The following ZNF804A variants were observed in gnomAD, a reference collection of about 807,000 sequenced individuals.
ZNF804A encodes zinc finger protein 804A.
In ZNF804A, 2 loss-of-function variants were observed where a neutral mutation model predicts 16.5. The ratio of observed to expected loss-of-function variants is 0.12; its 90% confidence interval spans 0.05 to 0.38. ZNF804A has a LOEUF of 0.38. ZNF804A is among the 10% of genes least tolerant of loss of function. The pLI is 0.99. For missense variants in ZNF804A, 1,473 were observed against 1,390.7 expected (o/e 1.06, Z -0.94); for synonymous variants, 534 against 489.6 (o/e 1.09, Z -1.20).
intron 1 of ZNF804A, among the ~76,000 whole-genome samples, chr2:184,684,233 C>A (rs906158975): frequency 6.6e-6 from 1 of 152,232 alleles, no homozygotes; most frequent in East Asian, 1.9e-4. Context: ...TACATAAACA[C>A]GGACATTTAA....
chr2:184,828,996 AT>A (rs139842063), intron 1 of ZNF804A, among the ~76,000 whole-genome samples: 5,447 of 151,836 alleles, frequency 0.036, 319 homozygotes, highest in African/African-American at 0.12. Context: ...CAAAATCAAA[AT>A]TTTTTGTTAG....
intron 1 of ZNF804A, among the ~76,000 whole-genome samples, chr2:184,647,066 A>G (rs1428997111): frequency 2.6e-5 from 4 of 152,230 alleles, no homozygotes; most frequent in Non-Finnish European, 4.4e-5. Flanking sequence ...CAACTGGCTC[A>G]TAGATCAAAC....
At chr2:184,664,393 A>AATG (rs1250949012) in intron 1 of ZNF804A, among the ~76,000 whole-genome samples, 1 of 152,202 alleles carries the variant, frequency 6.6e-6, no homozygotes, top group Non-Finnish European at 1.5e-5. Flanking sequence ...ACACAAGTAA[A>AATG]ATGGACATAA....
intron 1 of ZNF804A, among the ~76,000 whole-genome samples, chr2:184,803,270 A>G (rs555273693): frequency 1.3e-5 from 2 of 152,130 alleles, no homozygotes; most frequent in Admixed American, 1.3e-4. Flanking sequence ...CTTTCAAGTC[A>G]TATTCTAGTC....
At chr2:184,605,245 C>T (rs1049477374) in intron 1 of ZNF804A, among the ~76,000 whole-genome samples, 2 of 152,008 alleles carry the variant, frequency 1.3e-5, no homozygotes, top group African/African-American at 2.4e-5. Flanking sequence ...CAGTTATAAT[C>T]TATGGTGTAC....
chr2:184,661,534 C>T (rs1477975218), intron 1 of ZNF804A, among the ~76,000 whole-genome samples: 3 of 152,224 alleles, frequency 2.0e-5, no homozygotes, highest in Non-Finnish European at 4.4e-5. Context: ...ATCCACGAAG[C>T]TGAGTCCAGA....
At chr2:184,618,845 T>C (rs1691373067) in intron 1 of ZNF804A, among the ~76,000 whole-genome samples, 1 of 152,140 alleles carries the variant, frequency 6.6e-6, no homozygotes, top group Non-Finnish European at 1.5e-5. Context: ...CATTTTCTAA[T>C]CACTGGGCTT....
At chr2:184,604,706 T>A (rs1268513433) in intron 1 of ZNF804A, among the ~76,000 whole-genome samples, 2 of 152,196 alleles carry the variant, frequency 1.3e-5, no homozygotes, top group South Asian at 2.1e-4. Context: ...GTTACTTTCC[T>A]GACCATTGAA....
chr2:184,898,119 A>G (rs866422846), intron 2 of ZNF804A, among the ~76,000 whole-genome samples: 17 of 152,144 alleles, frequency 1.1e-4, no homozygotes, highest in Non-Finnish European at 1.5e-4. Context: ...TTTAACATCT[A>G]AACATGTCAG....
chr2:184,910,565 T>C (rs1281148396), intron 2 of ZNF804A, among the ~76,000 whole-genome samples: 1 of 152,112 alleles, frequency 6.6e-6, no homozygotes, highest in East Asian at 1.9e-4. Context: ...TTTTCCACAG[T>C]AGCTGAGCTA....
chr2:184,826,716 C>G (rs563452818), intron 1 of ZNF804A, among the ~76,000 whole-genome samples: 1 of 151,936 alleles, frequency 6.6e-6, no homozygotes, highest in Non-Finnish European at 1.5e-5. Flanking sequence ...TTACTCTAAC[C>G]GTTGAAAAAA....
chr2:184,860,802 G>C (rs1695788252), intron 1 of ZNF804A, among the ~76,000 whole-genome samples: 1 of 152,208 alleles, frequency 6.6e-6, no homozygotes, highest in African/African-American at 2.4e-5. Flanking sequence ...CTGATAACTG[G>C]GGCTGCAGGA....
At chr2:184,814,934 C>A (rs568756286) in intron 1 of ZNF804A, among the ~76,000 whole-genome samples, 11 of 152,020 alleles carry the variant, frequency 7.2e-5, no homozygotes, top group Non-Finnish European at 4.4e-5. Context: ...CCCTTGTCTA[C>A]ATCACATTGT....
At chr2:184,624,694 T>C (rs1207979275) in intron 1 of ZNF804A, among the ~76,000 whole-genome samples, 1 of 152,184 alleles carries the variant, frequency 6.6e-6, no homozygotes, top group East Asian at 1.9e-4. Flanking sequence ...GGGTCAACTA[T>C]ACCTTTTTCT....
intron 1 of ZNF804A, among the ~76,000 whole-genome samples, chr2:184,684,074 A>G (rs976737624): frequency 9.2e-5 from 14 of 152,206 alleles, no homozygotes; most frequent in African/African-American, 2.9e-4. Context: ...AATTGTAAGC[A>G]GGCAGATGGC....
At chr2:184,738,439 C>A (rs1161714132) in intron 1 of ZNF804A, among the ~76,000 whole-genome samples, 1 of 152,046 alleles carries the variant, frequency 6.6e-6, no homozygotes, top group Non-Finnish European at 1.5e-5. Flanking sequence ...GATACATAGC[C>A]TAATAGACTA....
In ZNF804A at chr2:184,647,188, G is replaced by A. The variant is rs988667076; in HGVS notation, c.111+48118G>A. ...TGCACCCCTAGGAAGGAGGAGATAG[G>A]AAAAGGGAAAGAAAAAACAACAATG... On this transcript the variant is annotated intron_variant, in intron 1 of 3. Transcript: ENST00000302277. 2.8e-4 allele frequency among the ~76,000 whole-genome samples: 42 copies of A among 152,268 alleles called. 2 individuals carry two copies. The highest frequency in any genetic ancestry group is 1.9e-4 in the East Asian group (1 of 5,176).
chr2:184,739,540 C>G (rs1409989688), intron 1 of ZNF804A, among the ~76,000 whole-genome samples: 1 of 152,056 alleles, frequency 6.6e-6, no homozygotes, highest in East Asian at 1.9e-4. Context: ...ACTACAGGTG[C>G]TCACCACAAA....
rs560301766 is a variant in ZNF804A, at chr2:184,794,764, T to C, written c.112-71605T>C. Among the ~76,000 whole-genome samples, 3 of 152,014 alleles carry C rather than the reference T, an allele frequency of 2.0e-5. No individual in the cohort carries two copies. The East Asian group carries it at 5.8e-4, about 29-fold the overall frequency. ...AACTATCTGCTGCCTTTGAGACACA[T>C]CTAACAAATAAGGATGCATATAAAC... On this transcript the variant is annotated intron_variant, in intron 1 of 3. Coordinates refer to ENST00000302277, the MANE Select transcript of ZNF804A (RefSeq NM_194250.2).
Sources: gnomAD v4.1 joint callset for allele counts (sites outside exome capture counted in the v4.1 genomes callset) on GRCh38, gnomAD v4.1.1 for gene constraint, MANE v1.5 for transcripts, NCBI Gene and HGNC (gene_info 2026-07-23, HGNC 2026-07-21) for gene names.